Variants in SMOC1 observed in about 807,000 individuals in gnomAD.
SMOC1 encodes the protein SPARC-related modular calcium-binding protein 1.
SMOC1 carries 22 observed loss-of-function variants against 56.3 expected under a neutral mutation model. The ratio of observed to expected loss-of-function variants is 0.39; its 90% CI spans 0.28 to 0.56. The LOEUF (loss-of-function observed/expected upper bound fraction) is 0.56. Ranked by LOEUF, SMOC1 falls within the 20% of genes least tolerant of loss-of-function variation. The pLI is 0.61. For synonymous variants in SMOC1, 193 were observed against 215.0 expected (o/e 0.90, Z 0.89); for missense variants, 509 against 565.4 (o/e 0.90, Z 1.01).
chr14:69,922,393 G>A (rs7159801), intron 1 of SMOC1, among the ~76,000 whole-genome samples: 1 of 152,044 alleles, frequency 6.6e-6, no homozygotes, highest in Non-Finnish European at 1.5e-5. Context: ...AGTACGTGCT[G>A]CTGCTTGAAG....
At chr14:69,979,069 T>C (rs1392705198) in intron 5 of SMOC1, among the ~76,000 whole-genome samples, 1 of 152,012 alleles carries the variant, frequency 6.6e-6, no homozygotes, top group African/African-American at 2.4e-5. Context: ...ATCTAGGCCT[T>C]GGAAACTACA....
intron 10 of SMOC1, among the ~76,000 whole-genome samples, chr14:70,017,556 G>A (rs1466248692): frequency 6.6e-6 from 1 of 152,172 alleles, no homozygotes; most frequent in African/African-American, 2.4e-5. Flanking sequence ...CTGGGGCCAG[G>A]GAAACAGTCT....
intron 10 of SMOC1, among the ~76,000 whole-genome samples, chr14:70,019,744 C>T (rs1354214380): frequency 1.3e-5 from 2 of 152,178 alleles, no homozygotes; most frequent in African/African-American, 4.8e-5. Flanking sequence ...GGGGAGGCCT[C>T]CCTGCTCCAT....
At chr14:69,888,225 T>C (rs980172683) in intron 1 of SMOC1, among the ~76,000 whole-genome samples, 6 of 152,140 alleles carry the variant, frequency 3.9e-5, no homozygotes, top group Non-Finnish European at 8.8e-5. Context: ...ACTGAGAGGT[T>C]CAGAGATTGG....
chr14:69,986,552 G>C (rs1324305190), intron 5 of SMOC1, among the ~76,000 whole-genome samples: 1 of 152,092 alleles, frequency 6.6e-6, no homozygotes, highest in Non-Finnish European at 1.5e-5. Context: ...GGGAAACTGG[G>C]TGAGGGGTAC....
In SMOC1 at chr14:69,983,246, G is replaced by A. The variant is rs576092537; in HGVS notation, c.526+5281G>A. Among the ~76,000 whole-genome samples the A allele has an allele frequency of 3.0e-4, 45 of 152,304 alleles. No homozygotes were observed. In the Middle Eastern group the frequency reaches 0.01, roughly 35 times the overall value. On this transcript the variant is annotated intron_variant, in intron 5 of 11. Coordinates refer to ENST00000361956, the MANE Select transcript of SMOC1 (RefSeq NM_001034852.3). ...AATAAGATTTAGGGATCTGGAAAAA[G>A]CCTCTTAGACATAAATTCATTTGAA...
At chr14:69,949,680 C>CT (rs1369942688) in intron 1 of SMOC1, among the ~76,000 whole-genome samples, 4 of 152,148 alleles carry the variant, frequency 2.6e-5, no homozygotes, top group South Asian at 2.1e-4. Context: ...GCCTGAAGGC[C>CT]TGGAAGTAGC....
chr14:69,945,158 G>T (rs1249957571), intron 1 of SMOC1, among the ~76,000 whole-genome samples: 1 of 152,020 alleles, frequency 6.6e-6, no homozygotes, highest in Non-Finnish European at 1.5e-5. Context: ...AAACTTTTTT[G>T]GTAAGGTGCT....
intron 3 of SMOC1, among the ~76,000 whole-genome samples, chr14:69,964,513 G>A (rs1883495943): frequency 6.6e-6 from 1 of 151,942 alleles, no homozygotes. Flanking sequence ...AAGTAGCTGG[G>A]ACTACAGGTG....
chr14:69,913,063 A>G (rs1457084302), intron 1 of SMOC1, among the ~76,000 whole-genome samples: 1 of 152,206 alleles, frequency 6.6e-6, no homozygotes, highest in Non-Finnish European at 1.5e-5. Context: ...ACAGTTTGAC[A>G]ACGAAGAAGG....
rs1323018425 is a variant in SMOC1, at chr14:70,010,779, G to T, written c.690G>T (p.Glu230Asp). 2 of 1,614,132 alleles carry T rather than the reference G, an allele frequency of 1.2e-6. No individual in the cohort carries two copies. Among genetic ancestry groups the T allele is most frequent in the Non-Finnish European group, 1.7e-6 (2 of 1,180,050 alleles). The change falls in exon 8 of 12, where the codon GAG (glutamate) becomes GAT (aspartate). Residue 230 changes from glutamate (E) to aspartate (D), a missense_variant. Coordinates refer to ENST00000361956, the MANE Select transcript of SMOC1 (RefSeq NM_001034852.3). The stretch of plus-strand genomic sequence containing the variant: ...AGAAAGTCTATTCGTGTGACCAGGA[G>T]AGGCAGAGTGCCCTGGAAGAGGCCC... ...NSEKVYSCDQ[E>D]RQSALEEAQQ...
At chr14:69,964,925 T>A (rs1297924539) in intron 3 of SMOC1, among the ~76,000 whole-genome samples, 1 of 152,086 alleles carries the variant, frequency 6.6e-6, no homozygotes, top group African/African-American at 2.4e-5. Flanking sequence ...ATCCTAACCA[T>A]GATTCCACAC....
intron 1 of SMOC1, among the ~76,000 whole-genome samples, chr14:69,882,238 T>C (rs1329379749): frequency 6.6e-6 from 1 of 152,206 alleles, no homozygotes; most frequent in Non-Finnish European, 1.5e-5. Flanking sequence ...ATCTGGCTTG[T>C]TGCATTATTC....
chr14:69,943,766 A>T (rs1007288), intron 1 of SMOC1, among the ~76,000 whole-genome samples: 34,254 of 152,176 alleles, frequency 0.23, 4,546 homozygotes, highest in East Asian at 0.39. Flanking sequence ...ATTTACAAAC[A>T]AGACAGAAAA....
intron 3 of SMOC1, among the ~76,000 whole-genome samples, chr14:69,971,197 T>C (rs1474610562): frequency 6.6e-6 from 1 of 152,214 alleles, no homozygotes; most frequent in African/African-American, 2.4e-5. Flanking sequence ...TTTGTATTTT[T>C]AGTAGAGACG....
Position 69,885,622 on chromosome 14 carries a change from T to C in SMOC1, c.99+5845T>C, listed in dbSNP as rs878917861. On this transcript the variant is annotated intron_variant, in intron 1 of 11. Transcript: ENST00000361956. ...AGTAAGGGACCCCCATTTTACGACATAGGGCAGGCAAGAAGACAACCAGCT... is the reference window on the plus strand; with the variant it reads ...AGTAAGGGACCCCCATTTTACGACACAGGGCAGGCAAGAAGACAACCAGCT... 10 of 1,492,954 alleles carry C rather than the reference T, an allele frequency of 6.7e-6. No homozygotes were observed. In the Admixed American group the frequency reaches 8.6e-5, roughly 13 times the overall value. 92.5% of individuals were successfully genotyped at this position (1,492,954 alleles called of 1,614,324 possible).
At chr14:69,955,654 C>T (rs761307487) in intron 3 of SMOC1, among the ~76,000 whole-genome samples, 2 of 151,682 alleles carry the variant, frequency 1.3e-5, no homozygotes, top group African/African-American at 2.4e-5. Context: ...CTACTGAAAT[C>T]TTTCTATCAT....
intron 11 of SMOC1, among the ~76,000 whole-genome samples, chr14:70,025,852 G>C (rs531278144): frequency 1.3e-5 from 2 of 152,312 alleles, no homozygotes; most frequent in South Asian, 4.1e-4. Context: ...AAAAATGCTA[G>C]AGTCTATCTC....
chr14:70,013,844 A>G (rs1012186421), intron 10 of SMOC1, among the ~76,000 whole-genome samples: 1 of 152,172 alleles, frequency 6.6e-6, no homozygotes, highest in Admixed American at 6.5e-5. Context: ...GGGAACAGGG[A>G]GGCAGAGAGG....
Sources: allele counts gnomAD v4.1 joint callset (sites outside exome capture counted in the v4.1 genomes callset), GRCh38; gene constraint gnomAD v4.1.1; transcripts MANE v1.5; gene names NCBI Gene and HGNC (gene_info 2026-07-23, HGNC 2026-07-21).